The following SUPT3H variants were observed in gnomAD, a reference collection of about 807,000 sequenced individuals.
SUPT3H encodes SPT3 homolog, SAGA and STAGA complex component.
In SUPT3H, 44 loss-of-function variants were observed where a neutral mutation model predicts 44.3. The observed-to-expected ratio is 0.99, with a 90% confidence interval of 0.78 to 1.28. SUPT3H has a LOEUF of 1.28. SUPT3H is among the 50% of genes most tolerant of loss of function. The probability of loss-of-function intolerance (pLI) is 0.00; values close to 1 mark genes in which losing one functional copy is unlikely to be tolerated. For synonymous variants in SUPT3H, 124 were observed against 125.6 expected (o/e 0.99, Z 0.09); for missense variants, 380 against 387.1 (o/e 0.98, Z 0.15).
intron 2 of SUPT3H, among the ~76,000 whole-genome samples, chr6:45,295,928 A>G (rs1472576704): frequency 6.6e-6 from 1 of 152,150 alleles, no homozygotes; most frequent in Non-Finnish European, 1.5e-5. Flanking sequence ...GAGATTCTTT[A>G]AAGAACTAAA....
At chr6:45,069,802 A>T (rs559955922) in intron 3 of SUPT3H, among the ~76,000 whole-genome samples, 32 of 152,128 alleles carry the variant, frequency 2.1e-4, no homozygotes, top group Non-Finnish European at 3.5e-4. Context: ...TTTTTTCAAA[A>T]GTATTTGAAT....
At chr6:44,949,139 G>A (rs1773852424) in intron 9 of SUPT3H, among the ~76,000 whole-genome samples, 1 of 151,964 alleles carries the variant, frequency 6.6e-6, no homozygotes, top group South Asian at 2.1e-4. Context: ...CTAACGCAAG[G>A]ACAGAAAACC....
chr6:44,862,478 A>G (rs1446069304), intron 10 of SUPT3H, among the ~76,000 whole-genome samples: 3 of 151,854 alleles, frequency 2.0e-5, no homozygotes, highest in East Asian at 1.9e-4. Flanking sequence ...GGAGTTTGAG[A>G]CCAGCCTGGC....
chr6:44,977,153 G>T (rs994477514), intron 6 of SUPT3H, among the ~76,000 whole-genome samples: 2 of 152,212 alleles, frequency 1.3e-5, no homozygotes, highest in African/African-American at 4.8e-5. Context: ...GATGAAAGGA[G>T]AATTGTTTTT....
At chr6:45,180,799 T>C (rs9381369) in intron 2 of SUPT3H, among the ~76,000 whole-genome samples, 92,531 of 149,574 alleles carry the variant, frequency 0.62, 29,184 homozygotes, top group African/African-American at 0.77. Context: ...ATTCAGGACA[T>C]AGGCATGGGC....
chr6:44,864,756 A>C (rs993866119), intron 10 of SUPT3H, among the ~76,000 whole-genome samples: 1 of 152,132 alleles, frequency 6.6e-6, no homozygotes, highest in East Asian at 1.9e-4. Flanking sequence ...CACAAAAAAA[A>C]CACTCTTTTC....
chr6:45,051,401 T>C (rs192676331), intron 3 of SUPT3H, among the ~76,000 whole-genome samples: 7 of 152,162 alleles, frequency 4.6e-5, no homozygotes, highest in Admixed American at 2.6e-4. Flanking sequence ...AATAACTTGT[T>C]AGAAATTCAA....
intron 6 of SUPT3H, among the ~76,000 whole-genome samples, chr6:44,969,289 G>A (rs901840643): frequency 1.8e-4 from 28 of 152,062 alleles, no homozygotes; most frequent in Admixed American, 2.6e-4. Flanking sequence ...ACATATGCAC[G>A]TGTATGTCTG....
chr6:45,375,328 T>C (rs549441725), intron 1 of SUPT3H, among the ~76,000 whole-genome samples: 1 of 152,288 alleles, frequency 6.6e-6, no homozygotes, highest in African/African-American at 2.4e-5. Flanking sequence ...TCGAACATTT[T>C]GATAGTGAAA....
At chr6:45,150,251 T>TA (rs1367313169) in intron 2 of SUPT3H, among the ~76,000 whole-genome samples, 1 of 152,164 alleles carries the variant, frequency 6.6e-6, no homozygotes, top group East Asian at 1.9e-4. Context: ...TTCCTTTTTT[T>TA]ACTAAAAATA....
chr6:45,132,816 A>T (rs1454414839), intron 2 of SUPT3H, among the ~76,000 whole-genome samples: 1 of 152,206 alleles, frequency 6.6e-6, no homozygotes, highest in Non-Finnish European at 1.5e-5. Flanking sequence ...ACTAACAATA[A>T]CAGAAATGAT....
At chr6:45,071,402 T>A (rs1466217544) in intron 3 of SUPT3H, among the ~76,000 whole-genome samples, 2 of 152,174 alleles carry the variant, frequency 1.3e-5, no homozygotes, top group Non-Finnish European at 2.9e-5. Flanking sequence ...TGTCTTTTTT[T>A]GCCCCATGAT....
intron 3 of SUPT3H, among the ~76,000 whole-genome samples, chr6:45,105,315 T>C (rs976246482): frequency 5.3e-5 from 8 of 152,134 alleles, no homozygotes; most frequent in Non-Finnish European, 1.2e-4. Flanking sequence ...GAAGGCTACA[T>C]GAGTGAATTC....
At chr6:45,270,514 C>T (rs1029959700) in intron 2 of SUPT3H, among the ~76,000 whole-genome samples, 2 of 152,196 alleles carry the variant, frequency 1.3e-5, no homozygotes, top group Non-Finnish European at 2.9e-5. Flanking sequence ...CTCTCTTAGC[C>T]TGCAGCCAAC....
rs188958503 is a variant in SUPT3H, at chr6:45,176,054, A to G, written c.102-70048T>C. ...TGGTCCATGATTGGTATTTAAAACT[A>G]TATCTTGGGGGGAGGAGCCAAGATG... On this transcript the variant is annotated intron_variant, in intron 2 of 10. Coordinates refer to ENST00000371459, the MANE Select transcript of SUPT3H (RefSeq NM_003599.4). 1.3e-3 allele frequency among the ~76,000 whole-genome samples: 202 copies of G among 152,300 alleles called. 2 individuals carry two copies. The Middle Eastern group carries it at 0.024, about 18-fold the overall frequency.
chr6:45,178,870 G>C (rs896456810), intron 2 of SUPT3H, among the ~76,000 whole-genome samples: 3 of 151,608 alleles, frequency 2.0e-5, no homozygotes, highest in African/African-American at 7.3e-5. Context: ...AAACCAACGA[G>C]AACAAAGACA....
intron 2 of SUPT3H, among the ~76,000 whole-genome samples, chr6:45,129,261 C>G (rs1240990644): frequency 6.6e-6 from 1 of 152,158 alleles, no homozygotes; most frequent in South Asian, 2.1e-4. Context: ...ATGAAAAGTG[C>G]TATGTAAAAG....
intron 2 of SUPT3H, among the ~76,000 whole-genome samples, chr6:45,131,580 A>G (rs972060950): frequency 2.0e-5 from 3 of 152,242 alleles, no homozygotes; most frequent in African/African-American, 7.2e-5. Context: ...GGAAGCCATT[A>G]AAGTCAAACT....
At position 44,912,536 on chromosome 6, in the gene SUPT3H, A is replaced by G. The variant is rs1767215728; in HGVS notation, c.912+20117T>C. The stretch of plus-strand genomic sequence containing the variant: ...AGAGATGTGGAGAAGTGGAACCTGA[A>G]CAATGTTTGTGATAGGAGATACTCT... On this transcript the variant is annotated intron_variant, in intron 10 of 10. Coordinates refer to ENST00000371459, the MANE Select transcript of SUPT3H (RefSeq NM_003599.4). Among the ~76,000 whole-genome samples the G allele has an allele frequency of 2.0e-5, 3 of 152,196 alleles. No homozygotes were observed. In the South Asian group the frequency reaches 6.2e-4, roughly 32 times the overall value.
Sources: allele counts gnomAD v4.1 joint callset (sites outside exome capture counted in the v4.1 genomes callset), GRCh38; gene constraint gnomAD v4.1.1; transcripts MANE v1.5; gene names NCBI Gene and HGNC (gene_info 2026-07-23, HGNC 2026-07-21).